VPS13B: variants seen among roughly 807,000 people sequenced by gnomAD.
The protein encoded by VPS13B is vacuolar protein sorting 13 homolog B.
Under a neutral mutation model 426.4 loss-of-function variants are expected in VPS13B, and 285 were observed. The observed-to-expected ratio is 0.67, with a 90% CI of 0.61 to 0.74. The LOEUF (loss-of-function observed/expected upper bound fraction) is 0.74. Ranked by LOEUF, VPS13B falls within the 30% of genes least tolerant of loss-of-function variation. VPS13B has a pLI of 0.00. For synonymous variants in VPS13B, 1,676 were observed against 1,676.4 expected (o/e 1.00, Z 0.01); for missense variants, 4,537 against 4,782.6 (o/e 0.95, Z 1.51).
intron 19 of VPS13B, among the ~76,000 whole-genome samples, chr8:99,282,564 A>C (rs1406381003): frequency 2.0e-5 from 3 of 152,156 alleles, no homozygotes; most frequent in African/African-American, 7.2e-5. Context: ...CACCTAATTG[A>C]TTTTGGTCCA....
chr8:99,771,326 C>T (rs962153848), intron 40 of VPS13B, among the ~76,000 whole-genome samples: 5 of 152,134 alleles, frequency 3.3e-5, no homozygotes, highest in African/African-American at 7.2e-5. Flanking sequence ...TTATCTCTAC[C>T]CACAAAATGC....
intron 21 of VPS13B, among the ~76,000 whole-genome samples, chr8:99,415,922 CCTTAG>C: frequency 6.6e-6 from 1 of 152,124 alleles, no homozygotes; most frequent in Non-Finnish European, 1.5e-5. Context: ...GCAGTCTGCC[CCTTAG>C]CAGAGCTCAC....
At chr8:99,311,458 G>C (rs1451161872) in intron 19 of VPS13B, among the ~76,000 whole-genome samples, 2 of 152,196 alleles carry the variant, frequency 1.3e-5, no homozygotes, top group East Asian at 1.9e-4. Context: ...AGGTTGTTCA[G>C]TTTCCATGTA....
intron 8 of VPS13B, among the ~76,000 whole-genome samples, chr8:99,128,101 G>A (rs1406462069): frequency 6.6e-6 from 1 of 151,928 alleles, no homozygotes; most frequent in East Asian, 1.9e-4. Context: ...ATTTTAAAAG[G>A]TTTGTTGGGC....
chr8:99,868,716 A>T (rs1281911793), intron 59 of VPS13B, among the ~76,000 whole-genome samples: 1 of 152,206 alleles, frequency 6.6e-6, no homozygotes, highest in Non-Finnish European at 1.5e-5. Flanking sequence ...CTGTAACGAA[A>T]AGTAACCAGT....
intron 3 of VPS13B, among the ~76,000 whole-genome samples, chr8:99,065,205 C>CAA (rs951002734): frequency 3.1e-4 from 47 of 151,838 alleles, no homozygotes; most frequent in African/African-American, 1.1e-3. Context: ...ATCAACACAA[C>CAA]AAAAAAAGAG....
At chr8:99,849,391 T>C (rs76733300) in intron 55 of VPS13B, among the ~76,000 whole-genome samples, 1,731 of 152,246 alleles carry the variant, frequency 0.011, 40 homozygotes, top group African/African-American at 0.04. Context: ...AGGAATAATA[T>C]AAAGATGGCC....
At chr8:99,222,440 G>T (rs1424132128) in intron 17 of VPS13B, among the ~76,000 whole-genome samples, 1 of 152,182 alleles carries the variant, frequency 6.6e-6, no homozygotes, top group African/African-American at 2.4e-5. Context: ...ATTAATCACA[G>T]TGCCTAGCTT....
rs149007307 is a variant in VPS13B, at chr8:99,668,195, T to G, written c.6046+6704T>G. Among the ~76,000 whole-genome samples, 621 of 152,070 alleles carry G rather than the reference T, an allele frequency of 4.1e-3. 30 individuals carry two copies. In the South Asian group the frequency reaches 0.1, roughly 25 times the overall value. ...TGAAGGGTATAGTAACAATGAAAGT[T>G]ATGACCCTGAATTAACCAGGCATGG... On this transcript the variant is annotated intron_variant, in intron 35 of 61. Coordinates refer to ENST00000357162, the MANE Select transcript of VPS13B (RefSeq NM_152564.5).
chr8:99,621,209 C>T (rs777022914), intron 33 of VPS13B, among the ~76,000 whole-genome samples: 7 of 152,142 alleles, frequency 4.6e-5, no homozygotes, highest in Non-Finnish European at 1.0e-4. Flanking sequence ...TTAGACTCCA[C>T]CTTTTGCCTT....
intron 19 of VPS13B, among the ~76,000 whole-genome samples, chr8:99,313,785 G>A (rs935584242): frequency 2.6e-5 from 4 of 152,112 alleles, no homozygotes; most frequent in Non-Finnish European, 4.4e-5. Context: ...ACAGAGTCAC[G>A]CAGGCTTCCT....
chr8:99,253,768 A>G (rs1411211130), intron 17 of VPS13B, among the ~76,000 whole-genome samples: 2 of 151,802 alleles, frequency 1.3e-5, no homozygotes, highest in South Asian at 2.1e-4. Flanking sequence ...CTGCCATTTT[A>G]TTTTTTGCTG....
rs34074519 is a variant in VPS13B, at chr8:99,580,984, A to AACACACACACACACACAC, written c.5220+3381_5220+3398dup. On this transcript the variant is annotated intron_variant, in intron 33 of 61. Coordinates refer to ENST00000357162, the MANE Select transcript of VPS13B (RefSeq NM_152564.5). ...ACATGGCAAAACTGCATCTCTACAA[A>AACACACACACACACACAC]ACACACACACACACACACACACACA... Among the ~76,000 whole-genome samples the AACACACACACACACACAC allele has an allele frequency of 1.5e-4, 19 of 126,682 alleles. No homozygotes were observed. The East Asian group carries it at 2.7e-3, about 18-fold the overall frequency. The allele number at this position is 126,682 out of a possible 152,430, so 83.1% of individuals were successfully genotyped here. A position where few individuals can be genotyped will look rare whatever the true frequency, so the allele number is the denominator to read the frequency against.
intron 43 of VPS13B, among the ~76,000 whole-genome samples, chr8:99,789,716 A>ATT (rs1812451279): frequency 6.6e-6 from 1 of 152,140 alleles, no homozygotes; most frequent in Admixed American, 6.6e-5. Flanking sequence ...TCTTATAGAT[A>ATT]TTTTATGGGA....
intron 8 of VPS13B, among the ~76,000 whole-genome samples, chr8:99,124,905 A>T (rs932832081): frequency 3.0e-5 from 4 of 132,740 alleles, no homozygotes; most frequent in Admixed American, 3.0e-4. Context: ...AAAAAAAAGG[A>T]ATGAAGTTCT....
At chr8:99,739,485 C>T (rs1445745654) in intron 39 of VPS13B, among the ~76,000 whole-genome samples, 12 of 152,232 alleles carry the variant, frequency 7.9e-5, no homozygotes. Context: ...GTGGTTCTCC[C>T]TGCACACAGC....
chr8:99,065,551 C>T (rs532708794), intron 3 of VPS13B, among the ~76,000 whole-genome samples: 1 of 152,282 alleles, frequency 6.6e-6, no homozygotes, highest in African/African-American at 2.4e-5. Flanking sequence ...CAATATCATA[C>T]TGAATGGGCA....
At chr8:99,681,658 A>ACC (rs1831159852) in intron 35 of VPS13B, among the ~76,000 whole-genome samples, 1 of 152,182 alleles carries the variant, frequency 6.6e-6, no homozygotes, top group South Asian at 2.1e-4. Flanking sequence ...ACAGACCAAG[A>ACC]CCCTGTCTTG....
At chr8:99,340,644 T>A in intron 19 of VPS13B, 1 of 416,448 alleles carries the variant, frequency 2.4e-6, no homozygotes, top group South Asian at 2.0e-5. Context: ...AATGCAGCAC[T>A]TTCTTCCTTG....
Sources: gnomAD v4.1 joint callset for allele counts (sites outside exome capture counted in the v4.1 genomes callset) on GRCh38, gnomAD v4.1.1 for gene constraint, MANE v1.5 for transcripts, NCBI Gene and HGNC (gene_info 2026-07-23, HGNC 2026-07-21) for gene names.